The following ADGRG4 variants were observed in gnomAD, a reference collection of about 807,000 sequenced individuals.
The protein encoded by ADGRG4 is adhesion G protein-coupled receptor G4, also known as G protein-coupled receptor 112.
ADGRG4 carries 122 observed loss-of-function variants against 126.2 expected under a neutral mutation model. The ratio of observed to expected loss-of-function variants is 0.97; its 90% CI spans 0.83 to 1.12. The LOEUF is 1.12. Among genes scored for constraint, ADGRG4 ranks in the 50% most tolerant of loss-of-function variants. ADGRG4 has a pLI of 0.00. For missense variants in ADGRG4, 2,481 were observed against 2,251.8 expected, an observed-to-expected ratio of 1.10 and a Z score of -2.06; for synonymous variants, 943 against 838.7, an observed-to-expected ratio of 1.12 and a Z score of -2.15.
At chrX:136,362,014 A>G (rs901196135) in intron 12 of ADGRG4, among the ~76,000 whole-genome samples, 4 of 112,107 alleles carry the variant, frequency 3.6e-5, no homozygotes, top group Admixed American at 1.9e-4. Context: ...TTTTACATTT[A>G]TTATCTTAAT....
intron 16 of ADGRG4, among the ~76,000 whole-genome samples, chrX:136,390,827 C>T (rs1255775239): frequency 9.0e-6 from 1 of 110,541 alleles, no homozygotes; most frequent in Non-Finnish European, 1.9e-5. Flanking sequence ...CAGAAAACTG[C>T]GTCACTTAGA....
At chrX:136,357,334 G>A (rs1257920636) in intron 9 of ADGRG4, among the ~76,000 whole-genome samples, 4 of 111,757 alleles carry the variant, frequency 3.6e-5, no homozygotes, top group Non-Finnish European at 7.5e-5. Context: ...TTAACACTGG[G>A]CTTAGAACAT....
At position 136,344,491 on chromosome X, in the gene ADGRG4, A is replaced by G; in HGVS notation, c.785A>G (p.Asn262Ser). The G allele has an allele frequency of 8.3e-7, 1 of 1,204,933 alleles. No homozygotes were observed. Among genetic ancestry groups the G allele is most frequent in the Non-Finnish European group, 1.1e-6 (1 of 889,503 alleles). ...CAAATTACTGGAGTAAAACCACAAA[A>G]TACTGCACATTCCTCTACACTATTG... ...PSQITGVKPQ[N>S]TAHSSTLLSQ... The change falls in exon 6 of 26, where the codon AAT becomes AGT. Residue 262 changes from asparagine (N) to serine (S), a missense_variant. By Grantham distance (46) the Asn-to-Ser change is conservative. Transcript: ENST00000394143.
chrX:136,335,923 T>G (rs760862232), intron 5 of ADGRG4, among the ~76,000 whole-genome samples: 1 of 110,964 alleles, frequency 9.0e-6, no homozygotes, highest in Non-Finnish European at 1.9e-5. Context: ...ATCTTGGGGT[T>G]TTTTTTAGGC....
At position 136,347,067 on chromosome X, in the gene ADGRG4, A is replaced by G. The variant is rs762810688; in HGVS notation, c.3361A>G (p.Thr1121Ala). The change falls in exon 6 of 26, where the codon ACA becomes GCA. Residue 1121 changes from threonine (T) to alanine (A), a missense_variant. Thr to Ala is a moderately conservative substitution (Grantham distance 58). Coordinates refer to ENST00000394143, the MANE Select transcript of ADGRG4 (RefSeq NM_153834.4). ...FHSLRLSTPVTAKAETTLFST... is the reference protein window; with the variant it reads ...FHSLRLSTPVAAKAETTLFST... ...TTCACTGAGACTCTCCACTCCTGTG[A>G]CAGCTAAGGCTGAGACCACCCTTTT... 1.3e-5 allele frequency: 16 copies of G among 1,208,921 alleles called. No homozygotes were observed. The highest frequency in any genetic ancestry group is 3.4e-6 in the Non-Finnish European group (3 of 894,605).
At chrX:136,405,523 G>T (rs2075401092) in intron 22 of ADGRG4, among the ~76,000 whole-genome samples, 169 bp from the exon 23 acceptor site, 1 of 111,559 alleles carries the variant, frequency 9.0e-6, no homozygotes, top group Admixed American at 9.5e-5. Context: ...GGAGATTGAG[G>T]TTTTTGTCCC....
chrX:136,376,681 T>C (rs924420969), intron 15 of ADGRG4, among the ~76,000 whole-genome samples: 57 of 109,974 alleles, frequency 5.2e-4, no homozygotes, highest in Admixed American at 1.0e-4. Context: ...TTGTATTGTA[T>C]TGTATTGTAT....
At chrX:136,369,102 C>A (rs1412545257) in intron 13 of ADGRG4, among the ~76,000 whole-genome samples, 1 of 112,449 alleles carries the variant, frequency 8.9e-6, no homozygotes, top group Non-Finnish European at 1.9e-5. Flanking sequence ...TCAGCCTCAG[C>A]TGCTATCTGA....
Position 136,352,703 on chromosome X carries a change from A to G in ADGRG4, c.6823-634A>G, listed in dbSNP as rs2075070061. ...ACACCAACTTGCACCATCTCCCAAC[A>G]GCAAATAATCATATCTGTTTCCCTT... On this transcript the variant is annotated intron_variant, in intron 7 of 25. Transcript: ENST00000394143. Among the ~76,000 whole-genome samples the G allele has an allele frequency of 3.6e-5, 4 of 111,608 alleles. No individual in the cohort carries two copies. The South Asian group carries it at 1.5e-3, about 42-fold the overall frequency.
At chrX:136,329,048 A>G (rs1377154943) in intron 5 of ADGRG4, among the ~76,000 whole-genome samples, 1 of 111,434 alleles carries the variant, frequency 9.0e-6, no homozygotes, top group Non-Finnish European at 1.9e-5. Flanking sequence ...CACTTTGAAA[A>G]AAAAAAGTTT....
chrX:136,347,616 A>T lies in ADGRG4; in HGVS notation c.3910A>T (p.Thr1304Ser), dbSNP rs1569323638. 2.5e-6 allele frequency: 3 copies of T among 1,209,336 alleles called. No individual in the cohort carries two copies. Among genetic ancestry groups the T allele is most frequent in the Non-Finnish European group, 3.4e-6 (3 of 894,010 alleles). ...LEMTDTGFPE[T>S]TKISSHQTHS... ...AATGACAGATACAGGATTTCCTGAG[A>T]CCACAAAAATTTCCAGTCACCAAAC... The change falls in exon 6 of 26, where the codon ACC becomes TCC. Residue 1304 changes from threonine (T) to serine (S), a missense_variant. Coordinates refer to ENST00000394143, the MANE Select transcript of ADGRG4 (RefSeq NM_153834.4).
Position 136,349,807 on chromosome X carries a change from C to G in ADGRG4, c.6101C>G (p.Thr2034Arg), listed in dbSNP as rs911226626. 2 of 1,210,638 alleles carry G rather than the reference C, an allele frequency of 1.7e-6. No homozygotes were observed. The highest frequency in any genetic ancestry group is 2.2e-6 in the Non-Finnish European group (2 of 895,064). Residue 2034 changes from threonine to arginine, a missense_variant, in exon 6 of 26, where the codon ACA becomes AGA. Coordinates refer to ENST00000394143, the MANE Select transcript of ADGRG4 (RefSeq NM_153834.4). ...GCCCCTCATGTTATGACTTCCTCTACAGTAGAGGTGTCAAAATCAACATTT... is the reference window on the plus strand; with the variant it reads ...GCCCCTCATGTTATGACTTCCTCTAGAGTAGAGGTGTCAAAATCAACATTT... ...SNAPHVMTSS[T>R]VEVSKSTFLT...
intron 4 of ADGRG4, among the ~76,000 whole-genome samples, chrX:136,311,158 A>G (rs1020152320): frequency 3.6e-5 from 4 of 110,524 alleles, no homozygotes; most frequent in African/African-American, 6.6e-5. Context: ...TAGGGGCTCC[A>G]CCTTCATGCC....
At chrX:136,408,954 A>G (rs2075430468) in intron 23 of ADGRG4, among the ~76,000 whole-genome samples, 1 of 110,352 alleles carries the variant, frequency 9.1e-6, no homozygotes, top group Non-Finnish European at 1.9e-5. Context: ...CCCATCAAGC[A>G]CAAAGTCTTG....
chrX:136,327,464 A>AAATAAAAATAATAATAATAAT, intron 5 of ADGRG4, among the ~76,000 whole-genome samples: 1 of 97,511 alleles, frequency 1.0e-5, no homozygotes, highest in South Asian at 5.1e-4. Flanking sequence ...GTGGGAAATA[A>AAATAAAAATAATAATAATAAT]AATAATAATA....
In ADGRG4 at chrX:136,363,505, C is replaced by A. The variant is rs768366818; in HGVS notation, c.7306C>A (p.Gln2436Lys). ...AATCAGCATCAACACGGGCAAATCT[C>A]AGTGGGAAAAGCCAAAGTTTAAACA... ...CSISINTGKS[Q>K]WEKPKFKQCK... The change falls in exon 13 of 26, where the codon CAG (glutamine) becomes AAG (lysine). Residue 2436 changes from glutamine (Q) to lysine (K), a missense_variant. Gln to Lys is a moderately conservative substitution (Grantham distance 53). Coordinates refer to ENST00000394143, the MANE Select transcript of ADGRG4 (RefSeq NM_153834.4). 40 of 1,198,497 alleles carry A rather than the reference C, an allele frequency of 3.3e-5. No homozygotes were observed. Among genetic ancestry groups the A allele is most frequent in the Non-Finnish European group, 4.5e-5 (40 of 884,686 alleles).
chrX:136,351,519 T>A lies in ADGRG4; in HGVS notation c.6800T>A (p.Ile2267Lys), dbSNP rs772345440. The part of the protein sequence containing the change: ...EEPRIPITSV[I>K]NEFTENSLNS... ...CCAAGGATCCCTATTACCAGTGTTATAAATGAATTTACGGAAAATTCGGTA... is the reference window on the plus strand; with the variant it reads ...CCAAGGATCCCTATTACCAGTGTTAAAAATGAATTTACGGAAAATTCGGTA... Residue 2267 changes from isoleucine to lysine, a missense_variant, in exon 7 of 26, where the codon ATA becomes AAA. Transcript: ENST00000394143. 5 of 1,123,037 alleles carry A rather than the reference T, an allele frequency of 4.5e-6. No individual in the cohort carries two copies. Among genetic ancestry groups the A allele is most frequent in the Non-Finnish European group, 4.8e-6 (4 of 835,413 alleles). The allele number at this position is 1,123,037 out of a possible 1,213,427, so 92.6% of individuals were successfully genotyped here.
At position 136,347,173 on chromosome X, in the gene ADGRG4, C is replaced by T. The variant is rs748422787; in HGVS notation, c.3467C>T (p.Ala1156Val). The T allele has an allele frequency of 3.3e-6, 4 of 1,211,061 alleles. No homozygotes were observed. Among genetic ancestry groups the T allele is most frequent in the Admixed American group, 2.2e-5 (1 of 45,975 alleles). The part of the protein sequence containing the change: ...SKPPPDNIPP[A>V]SSTHVISTTS... ...CCTCCCCCTGACAACATTCCTCCTGCGTCCTCCACTCATGTGATCTCAACT... is the reference window on the plus strand; with the variant it reads ...CCTCCCCCTGACAACATTCCTCCTGTGTCCTCCACTCATGTGATCTCAACT... Residue 1156 changes from alanine (A) to valine (V), a missense_variant, in exon 6 of 26, where the codon GCG (alanine) becomes GTG (valine). Coordinates refer to ENST00000394143, the MANE Select transcript of ADGRG4 (RefSeq NM_153834.4).
chrX:136,375,965 A>G (rs1364580836), intron 15 of ADGRG4, among the ~76,000 whole-genome samples: 1 of 112,118 alleles, frequency 8.9e-6, no homozygotes, highest in Admixed American at 9.5e-5. Context: ...GCCTAGGCCA[A>G]TGTTCAGAAG....
Sources: gnomAD v4.1 joint callset for allele counts (sites outside exome capture counted in the v4.1 genomes callset) on GRCh38, gnomAD v4.1.1 for gene constraint, MANE v1.5 for transcripts, NCBI Gene and HGNC (gene_info 2026-07-23, HGNC 2026-07-21) for gene names.